Variants in SLC7A13 observed in about 807,000 individuals in gnomAD.
SLC7A13 encodes X-amino acid transporter 2.
A neutral mutation model predicts 32.0 loss-of-function variants in SLC7A13; 31 were observed. That is an observed-to-expected ratio of 0.97 (90% confidence interval 0.73 to 1.31). The LOEUF (loss-of-function observed/expected upper bound fraction) is 1.31. SLC7A13 is among the 50% of genes most tolerant of loss of function. The pLI is 0.00. For missense variants in SLC7A13, 633 were observed against 546.9 expected (o/e 1.16, Z -1.57); for synonymous variants, 232 against 206.9 (o/e 1.12, Z -1.04).
chr8:86,214,470 C>T lies in SLC7A13; in HGVS notation c.1356G>A (p.Met452Ile), dbSNP rs753395955. 7.4e-6 allele frequency: 12 copies of T among 1,611,538 alleles called. No homozygotes were observed. The highest frequency in any genetic ancestry group is 9.3e-6 in the Non-Finnish European group (11 of 1,178,728). The change falls in exon 4 of 4, where the codon ATG (methionine) becomes ATA (isoleucine). Residue 452 changes from methionine to isoleucine, a missense_variant. Physicochemically the swap from Met to Ile is conservative, Grantham distance 10. Transcript: ENST00000297524. ...FKIRLAWFEK[M>I]TCYLQLLFNI... ...TAAATAGTAATTGTAAATAGCAAGT[C>T]ATCTTCTCAAACCAAGCCAATCTTA...
rs139371327 is a variant in SLC7A13 at position 86,214,710 on chromosome 8, C to T, written c.1180-64G>A. 2.8e-4 allele frequency: 317 copies of T among 1,133,430 alleles called. 3 individuals carry two copies. In the African/African-American group the frequency reaches 3.9e-3, roughly 14 times the overall value. 70.2% of individuals were successfully genotyped at this position (1,133,430 alleles called of 1,614,324 possible). A position where few individuals can be genotyped will look rare whatever the true frequency, so the allele number is the denominator to read the frequency against. On this transcript the variant is annotated intron_variant, in intron 3 of 3. Transcript: ENST00000297524. ...CATCCATGAATGATACCTGCATATT[C>T]ATATAAATAAAAATGCAAAGATACA...
At position 86,214,389 on chromosome 8, in the gene SLC7A13, T is replaced by G. The variant is rs753418581; in HGVS notation, c.*24A>C. The G allele has an allele frequency of 2.0e-6, 3 of 1,479,936 alleles. No homozygotes were observed. The highest frequency in any genetic ancestry group is 2.8e-6 in the Non-Finnish European group (3 of 1,084,552). 91.7% of individuals were successfully genotyped at this position (1,479,936 alleles called of 1,614,324 possible). ...TATATGTTTTTTAGAAGGCCAATTT[T>G]TTAAGAGTTTGCACTTCCGACATCT... On this transcript the variant is annotated 3_prime_UTR_variant, in exon 4 of 4. Transcript: ENST00000297524.
intron 1 of SLC7A13, among the ~76,000 whole-genome samples, chr8:86,227,818 A>G (rs1820414098): frequency 6.6e-6 from 1 of 152,210 alleles, no homozygotes; most frequent in Non-Finnish European, 1.5e-5. Context: ...CCATCATCCT[A>G]AGAGAAACAA....
intron 2 of SLC7A13, among the ~76,000 whole-genome samples, chr8:86,221,419 C>A (rs957924179): frequency 3.9e-5 from 6 of 152,006 alleles, no homozygotes; most frequent in African/African-American, 1.4e-4. Flanking sequence ...ATTTAAATTT[C>A]TTGTACAATA....
rs747387492 is a variant in SLC7A13, at chr8:86,214,401, C to T, written c.*12G>A. The T allele has an allele frequency of 1.5e-5, 23 of 1,531,486 alleles. No homozygotes were observed. The highest frequency in any genetic ancestry group is 1.3e-4 in the Admixed American group (7 of 52,934). 94.9% of individuals were successfully genotyped at this position (1,531,486 alleles called of 1,614,324 possible). A position where few individuals can be genotyped will look rare whatever the true frequency, so the allele number is the denominator to read the frequency against. ...AGAAGGCCAATTTTTTAAGAGTTTG[C>T]ACTTCCGACATCTATTCCTCAGACA... On this transcript the variant is annotated 3_prime_UTR_variant, in exon 4 of 4. Coordinates refer to ENST00000297524, the MANE Select transcript of SLC7A13 (RefSeq NM_138817.3).
chr8:86,215,812 C>T, intron 3 of SLC7A13: 1 of 299,882 alleles, frequency 3.3e-6, no homozygotes, highest in South Asian at 2.5e-5. Context: ...AAGAAAAGAG[C>T]ACTCCTGGGG....
At chr8:86,227,549 A>G (rs1820408819) in intron 1 of SLC7A13, among the ~76,000 whole-genome samples, 1 of 152,226 alleles carries the variant, frequency 6.6e-6, no homozygotes, top group Admixed American at 6.5e-5. Context: ...AAGAACAAAA[A>G]ACAGAACTAC....
chr8:86,220,935 A>C (rs1363891394), intron 2 of SLC7A13, among the ~76,000 whole-genome samples: 10 of 150,694 alleles, frequency 6.6e-5, no homozygotes, highest in African/African-American at 2.4e-4. Flanking sequence ...TGGAGGTTGC[A>C]GTGAGCAAGA....
chr8:86,224,115 G>A (rs553286529), intron 1 of SLC7A13, among the ~76,000 whole-genome samples: 170 of 152,090 alleles, frequency 1.1e-3, no homozygotes, highest in Non-Finnish European at 2.2e-3. Context: ...TAAATAAAAG[G>A]TTAAAATACT....
chr8:86,227,431 T>C (rs1275147812), intron 1 of SLC7A13, among the ~76,000 whole-genome samples: 1 of 152,054 alleles, frequency 6.6e-6, no homozygotes, highest in South Asian at 2.1e-4. Context: ...ACTTTGAAAA[T>C]GAAAAGATGA....
chr8:86,219,675 A>G lies in SLC7A13; in HGVS notation c.818-1844T>C, dbSNP rs769500166. On this transcript the variant is annotated intron_variant, in intron 2 of 3. Coordinates refer to ENST00000297524, the MANE Select transcript of SLC7A13 (RefSeq NM_138817.3). ...TATGCTCACTTAGGCTTGCTTTTTCATGTTCATCTTGCTCTTATTGGTACA... is the reference window on the plus strand; with the variant it reads ...TATGCTCACTTAGGCTTGCTTTTTCGTGTTCATCTTGCTCTTATTGGTACA... Among the ~76,000 whole-genome samples, 283 of 152,034 alleles carry G rather than the reference A, an allele frequency of 1.9e-3. 2 individuals are homozygous for G. Among genetic ancestry groups the G allele is most frequent in the Non-Finnish European group, 2.3e-3 (159 of 68,004 alleles).
At chr8:86,216,382 G>A (rs1039170783) in intron 3 of SLC7A13, among the ~76,000 whole-genome samples, 19 of 152,270 alleles carry the variant, frequency 1.2e-4, no homozygotes, top group East Asian at 3.9e-4. Context: ...TCGTCACACC[G>A]TGATTTTTGG....
intron 3 of SLC7A13, chr8:86,215,549 G>T: frequency 3.0e-6 from 1 of 329,146 alleles, no homozygotes; most frequent in South Asian, 2.2e-5. Context: ...AGCTGGGTGT[G>T]GTGGCAGGCA....
At chr8:86,218,066 T>C (rs1820223494) in intron 2 of SLC7A13, among the ~76,000 whole-genome samples, 2 of 152,170 alleles carry the variant, frequency 1.3e-5, no homozygotes, top group African/African-American at 4.8e-5. Context: ...TCTTCCCCAA[T>C]AGACCAAGAA....
chr8:86,218,410 A>G (rs1820231022), intron 2 of SLC7A13, among the ~76,000 whole-genome samples: 1 of 152,180 alleles, frequency 6.6e-6, no homozygotes. Flanking sequence ...GGACTTTTCT[A>G]TAGACCAGTA....
chr8:86,219,389 C>A (rs1204693524), intron 2 of SLC7A13, among the ~76,000 whole-genome samples: 6 of 152,148 alleles, frequency 3.9e-5, no homozygotes, highest in Non-Finnish European at 8.8e-5. Context: ...CTCTATGCCA[C>A]AAGGGATGTT....
chr8:86,217,688 C>T lies in SLC7A13; in HGVS notation c.961G>A (p.Gly321Ser), dbSNP rs1384981728. 1 of 1,613,210 alleles carries T rather than the reference C, an allele frequency of 6.2e-7. No individual in the cohort carries two copies. Among genetic ancestry groups the T allele is most frequent in the African/African-American group, 1.3e-5 (1 of 74,766 alleles). Residue 321 changes from glycine (G) to serine (S), a missense_variant, in exon 3 of 4, where the codon GGC becomes AGC. Transcript: ENST00000297524. Reference sequence around the variant, plus strand: ...GTATTAAATAGCAAAGGCAGCTGGCCCTCTTGGCTTGCAAGATATATTGGT... The same window carrying T: ...GTATTAAATAGCAAAGGCAGCTGGCTCTCTTGGCTTGCAAGATATATTGGT... ...SRPIYLASQEGQLPLLFNTLN... is the reference protein window; with the variant it reads ...SRPIYLASQESQLPLLFNTLN...
Position 86,230,001 on chromosome 8 carries a change from C to T in SLC7A13, c.277G>A (p.Ala93Thr), listed in dbSNP as rs1820456865. Residue 93 changes from alanine to threonine, a missense_variant, in exon 1 of 4, where the codon GCT becomes ACT. Transcript: ENST00000297524. ...AAGGATGTCCAGAGATTCAAAAAAG[C>T]AACCGTGGAGCCAAAGTATCTCTTG... The part of the protein sequence containing the change: ...FLKRYFGSTV[A>T]FLNLWTSLFL... The T allele has an allele frequency of 1.9e-6, 3 of 1,614,054 alleles. No individual in the cohort carries two copies. Among genetic ancestry groups the T allele is most frequent in the African/African-American group, 2.7e-5 (2 of 74,944 alleles).
At chr8:86,218,597 T>C (rs968710126) in intron 2 of SLC7A13, among the ~76,000 whole-genome samples, 1 of 151,880 alleles carries the variant, frequency 6.6e-6, no homozygotes, top group Non-Finnish European at 1.5e-5. Flanking sequence ...AAAAATTATA[T>C]AGTATAAAAT....
Sources: allele counts gnomAD v4.1 joint callset (sites outside exome capture counted in the v4.1 genomes callset), GRCh38; gene constraint gnomAD v4.1.1; transcripts MANE v1.5; gene names NCBI Gene and HGNC (gene_info 2026-07-23, HGNC 2026-07-21).